Variants in PLOD2 observed in about 807,000 individuals in gnomAD.
The protein encoded by PLOD2 is lysine hydroxylase 2.
PLOD2 carries 65 observed loss-of-function variants against 101.0 expected under a neutral mutation model. The ratio of observed to expected loss-of-function variants is 0.64; its 90% CI spans 0.53 to 0.79. PLOD2 has a LOEUF of 0.79. Ranked by LOEUF, PLOD2 falls within the 30% of genes least tolerant of loss-of-function variation. The pLI, the probability that PLOD2 is intolerant of heterozygous loss-of-function variation, is 0.00. For synonymous variants in PLOD2, 314 were observed against 302.9 expected (o/e 1.04, Z -0.38); for missense variants, 909 against 914.6 (o/e 0.99, Z 0.08).
chr3:146,070,642 A>T lies in PLOD2; in HGVS notation c.*75T>A, dbSNP rs1043942211. On this transcript the variant is annotated 3_prime_UTR_variant, in exon 20 of 20. Transcript: ENST00000282903. The stretch of plus-strand genomic sequence containing the variant: ...ATTTAAATATTCCTCTCATCTTCTC[A>T]GCCACAACTTCAAAGACGTGTTCAT... The T allele has an allele frequency of 7.3e-6, 7 of 960,076 alleles. No homozygotes were observed. In the African/African-American group the frequency reaches 1.1e-4, roughly 16 times the overall value. The allele number at this position is 960,076 out of a possible 1,614,324, so 59.5% of individuals were successfully genotyped here. A position where few individuals can be genotyped will look rare whatever the true frequency, so the allele number is the denominator to read the frequency against.
At chr3:146,115,021 C>T (rs889684668) in intron 3 of PLOD2, among the ~76,000 whole-genome samples, 1 of 152,000 alleles carries the variant, frequency 6.6e-6, no homozygotes, top group African/African-American at 2.4e-5. Context: ...CAAAACAAAA[C>T]AAAAAAACTT....
chr3:146,119,331 T>C (rs770850600), intron 3 of PLOD2, among the ~76,000 whole-genome samples: 21 of 152,184 alleles, frequency 1.4e-4, no homozygotes, highest in African/African-American at 2.7e-4. Flanking sequence ...GCCTGTGAAA[T>C]TGTGAGCCAA....
chr3:146,121,755 T>A (rs560916745), intron 2 of PLOD2, among the ~76,000 whole-genome samples: 2 of 152,310 alleles, frequency 1.3e-5, no homozygotes, highest in South Asian at 4.1e-4. Flanking sequence ...CATCTTAAAC[T>A]TATGTAATTG....
At position 146,071,263 on chromosome 3, in the gene PLOD2, G is replaced by T. The variant is rs985246226; in HGVS notation, c.1995+14C>A. On this transcript the variant is annotated intron_variant, in intron 18 of 19. Coordinates refer to ENST00000282903, the MANE Select transcript of PLOD2 (RefSeq NM_182943.3). ...TGGGTAAGAAATAGGCTGGAGGGGT[G>T]AGAGGATAACTACCTTCGTATAATA... The T allele has an allele frequency of 1.2e-6, 2 of 1,611,610 alleles. No individual in the cohort carries two copies. The highest frequency in any genetic ancestry group is 1.7e-6 in the Non-Finnish European group (2 of 1,178,428).
Position 146,160,498 on chromosome 3 carries a change from G to GGGC in PLOD2, c.109+382_109+383insGCC, listed in dbSNP as rs2032520227. Among the ~76,000 whole-genome samples the GGGC allele has an allele frequency of 5.9e-5, 9 of 152,282 alleles. No individual in the cohort carries two copies. In the South Asian group the frequency reaches 1.9e-3, roughly 32 times the overall value. On this transcript the variant is annotated intron_variant, in intron 1 of 19. Coordinates refer to ENST00000282903, the MANE Select transcript of PLOD2 (RefSeq NM_182943.3). ...AAAGTACACTAAGCCCCGTGTTTAGGTCACAGAAGGAGTACTGCCTCGTCC... is the reference window on the plus strand; with the variant it reads ...AAAGTACACTAAGCCCCGTGTTTAGGGGCTCACAGAAGGAGTACTGCCTCGTCC...
At chr3:146,131,973 G>C (rs1469510579) in intron 1 of PLOD2, among the ~76,000 whole-genome samples, 1 of 152,058 alleles carries the variant, frequency 6.6e-6, no homozygotes, top group African/African-American at 2.4e-5. Flanking sequence ...GACATCCAAT[G>C]ATTTCCTACC....
At chr3:146,091,236 T>C (rs1936960452) in intron 8 of PLOD2, among the ~76,000 whole-genome samples, 1 of 151,766 alleles carries the variant, frequency 6.6e-6, no homozygotes, top group Admixed American at 6.6e-5. Context: ...TATATTCAAA[T>C]CCCAACTCCA....
At chr3:146,151,464 T>C (rs1463201575) in intron 1 of PLOD2, among the ~76,000 whole-genome samples, 1 of 151,198 alleles carries the variant, frequency 6.6e-6, no homozygotes, top group Non-Finnish European at 1.5e-5. Context: ...GCCATTGCAC[T>C]CCAGCCTGGA....
At position 146,136,670 on chromosome 3, in the gene PLOD2, T is replaced by C. The variant is rs1020831799; in HGVS notation, c.110-12441A>G. 2.6e-5 allele frequency among the ~76,000 whole-genome samples: 4 copies of C among 152,302 alleles called. No individual in the cohort carries two copies. The East Asian group carries it at 5.8e-4, about 22-fold the overall frequency. On this transcript the variant is annotated intron_variant, in intron 1 of 19. Transcript: ENST00000282903. ...TCATCTAGTGATATAGTAGCAGTCA[T>C]AGCACAATGGGTTGCCTTTTTTATG...
At chr3:146,090,739 T>C (rs1936944741) in intron 8 of PLOD2, among the ~76,000 whole-genome samples, 1 of 151,852 alleles carries the variant, frequency 6.6e-6, no homozygotes, top group Non-Finnish European at 1.5e-5. Flanking sequence ...ATGATAAGAA[T>C]AGAAACTATT....
chr3:146,094,643 G>A (rs1011928650), intron 7 of PLOD2, among the ~76,000 whole-genome samples: 1 of 152,040 alleles, frequency 6.6e-6, no homozygotes, highest in Non-Finnish European at 1.5e-5. Context: ...TGGCCAAACT[G>A]TCCAAAGTAA....
intron 3 of PLOD2, among the ~76,000 whole-genome samples, chr3:146,117,050 G>A (rs771869346): frequency 5.9e-5 from 9 of 152,032 alleles, no homozygotes; most frequent in Non-Finnish European, 1.3e-4. Flanking sequence ...TTGCATAATG[G>A]GGATGACTGC....
intron 4 of PLOD2, among the ~76,000 whole-genome samples, chr3:146,106,978 C>A (rs1361263366): frequency 6.6e-6 from 1 of 152,214 alleles, no homozygotes; most frequent in East Asian, 1.9e-4. Flanking sequence ...AAAGAATAGA[C>A]TGAGACAAGA....
intron 11 of PLOD2, among the ~76,000 whole-genome samples, chr3:146,082,272 C>A (rs2108011876): frequency 6.6e-6 from 1 of 152,208 alleles, no homozygotes; most frequent in Middle Eastern, 3.4e-3. Flanking sequence ...TGAACAACAG[C>A]CCCTGGTGCA....
chr3:146,104,191 C>G, intron 6 of PLOD2, 88 bp downstream of exon 6: 1 of 813,550 alleles, frequency 1.2e-6, no homozygotes, highest in Non-Finnish European at 2.2e-6. Context: ...TTAGTCACAG[C>G]CCCCAAATGG....
intron 12 of PLOD2, among the ~76,000 whole-genome samples, chr3:146,080,275 A>G (rs1302181004): frequency 6.6e-6 from 1 of 151,866 alleles, no homozygotes. Context: ...AGTTTAATTT[A>G]TACATAAAGT....
chr3:146,083,452 A>G (rs1936633650), intron 11 of PLOD2, among the ~76,000 whole-genome samples: 1 of 152,246 alleles, frequency 6.6e-6, no homozygotes. Flanking sequence ...GTCTAGATAC[A>G]GAAGCAAGAA....
chr3:146,086,558 T>C, intron 10 of PLOD2: 1 of 274,032 alleles, frequency 3.6e-6, no homozygotes, highest in Non-Finnish European at 6.8e-6. Context: ...CATCATTTGA[T>C]TAAATATGTG....
At chr3:146,085,461 G>A (rs536445349) in intron 10 of PLOD2, 188 bp from the exon 11 acceptor site, 7 of 568,782 alleles carry the variant, frequency 1.2e-5, no homozygotes, top group South Asian at 1.0e-4. Flanking sequence ...AATTTAACAC[G>A]GATATTCACA....
Sources: gnomAD v4.1 joint callset for allele counts (sites outside exome capture counted in the v4.1 genomes callset) on GRCh38, gnomAD v4.1.1 for gene constraint, MANE v1.5 for transcripts, NCBI Gene and HGNC (gene_info 2026-07-23, HGNC 2026-07-21) for gene names.